The following TNRC6A variants were observed in gnomAD, a reference collection of about 807,000 sequenced individuals.
The protein encoded by TNRC6A is trinucleotide repeat containing adaptor 6A.
TNRC6A carries 44 observed loss-of-function variants against 221.2 expected under a neutral mutation model. The observed-to-expected ratio is 0.20, with a 90% CI of 0.16 to 0.26. TNRC6A has a LOEUF of 0.26. TNRC6A is among the 10% of genes least tolerant of loss of function. The pLI is 1.00. For synonymous variants in TNRC6A, 847 were observed against 838.5 expected (o/e 1.01, Z -0.18); for missense variants, 2,199 against 2,404.4 (o/e 0.91, Z 1.79).
chr16:24,642,061 G>T (rs542206251), intron 2 of TNRC6A, among the ~76,000 whole-genome samples: 1 of 152,336 alleles, frequency 6.6e-6, no homozygotes, highest in East Asian at 1.9e-4. Flanking sequence ...GGAGAGCTGA[G>T]ATAGCAGACT....
chr16:24,758,484 C>A, intron 4 of TNRC6A, 124 bp downstream of exon 4: 2 of 977,756 alleles, frequency 2.0e-6, no homozygotes, highest in South Asian at 1.4e-5. Flanking sequence ...GATTAGCCTT[C>A]TTCAGTAACA....
chr16:24,750,958 TGCATA>T, intron 3 of TNRC6A, 145 bp downstream of exon 3: 3 of 778,492 alleles, frequency 3.9e-6, no homozygotes, highest in Non-Finnish European at 5.6e-6. Flanking sequence ...TCTTTGAATA[TGCATA>T]TAAAGTAACT....
chr16:24,723,590 T>TG (rs1567389072), intron 2 of TNRC6A, among the ~76,000 whole-genome samples: 2 of 52,308 alleles, frequency 3.8e-5, no homozygotes, highest in Non-Finnish European at 7.3e-5. Context: ...CAAGACTCTG[T>TG]CAAAAAAAAA....
intron 2 of TNRC6A, among the ~76,000 whole-genome samples, chr16:24,733,715 A>C (rs2056697226): frequency 6.6e-6 from 1 of 152,190 alleles, no homozygotes; most frequent in Admixed American, 6.5e-5. Flanking sequence ...AGGTTGAGGA[A>C]CTTGTGCATA....
At chr16:24,807,961 C>T (rs2058469035) in intron 17 of TNRC6A, among the ~76,000 whole-genome samples, 1 of 152,198 alleles carries the variant, frequency 6.6e-6, no homozygotes, top group Admixed American at 6.5e-5. Context: ...ACTGGTTTGG[C>T]TCAGCCTGGT....
At chr16:24,663,125 G>C (rs1381968453) in intron 2 of TNRC6A, 1 of 153,798 alleles carries the variant, frequency 6.5e-6, no homozygotes, top group African/African-American at 2.4e-5. Context: ...AAACAGAAGA[G>C]GGAGTGGGAA....
chr16:24,725,486 A>G (rs748589084), upstream of TNRC6A, among the ~76,000 whole-genome samples: 1 of 151,998 alleles, frequency 6.6e-6, no homozygotes, highest in Non-Finnish European at 1.5e-5. Flanking sequence ...CTGATAACCC[A>G]CAAATGTAAC....
intron 2 of TNRC6A, among the ~76,000 whole-genome samples, chr16:24,704,147 T>G (rs1302597206): frequency 6.6e-6 from 1 of 150,956 alleles, no homozygotes; most frequent in Non-Finnish European, 1.5e-5. Context: ...CAGGCTAGAG[T>G]GCAGTGGCAC....
chr16:24,668,046 GGCTGGGTATGGTGGCTCAC>G (rs2055210356), intron 2 of TNRC6A, among the ~76,000 whole-genome samples: 1 of 149,414 alleles, frequency 6.7e-6, no homozygotes, highest in Non-Finnish European at 1.5e-5. Flanking sequence ...CATATATATA[GGCTGGGTATGGTGGCTCAC>G]GCCTGTAATC....
chr16:24,706,218 T>C (rs937188510), intron 2 of TNRC6A, among the ~76,000 whole-genome samples: 1 of 152,216 alleles, frequency 6.6e-6, no homozygotes, highest in Non-Finnish European at 1.5e-5. Flanking sequence ...TCTCCCTAAA[T>C]TAAACTTAAC....
Position 24,790,192 on chromosome 16 carries a change from C to G in TNRC6A, c.1550C>G (p.Ser517Cys). Reference sequence around the variant, plus strand: ...AATGGAGAGTCAAAAAGTGGAGGCTCTTATGGTACTACATGGGGTGCCTAT... The same window carrying G: ...AATGGAGAGTCAAAAAGTGGAGGCTGTTATGGTACTACATGGGGTGCCTAT... ...LSNGESKSGG[S>C]YGTTWGAYGS... Residue 517 changes from serine (S) to cysteine (C), a missense_variant, in exon 6 of 25, where the codon TCT (serine) becomes TGT (cysteine). By Grantham distance (112) the Ser-to-Cys change is moderately radical. Around this residue, in one of 8 missense-constraint regions of TNRC6A, gnomAD observed 1,405 missense variants for 1,400.2 expected, o/e 1.00. Transcript: ENST00000395799. 1 of 1,614,204 alleles carries G rather than the reference C, an allele frequency of 6.2e-7. No homozygotes were observed. The highest frequency in any genetic ancestry group is 8.5e-7 in the Non-Finnish European group (1 of 1,180,024).
intron 2 of TNRC6A, among the ~76,000 whole-genome samples, chr16:24,733,969 TGA>T (rs1182004092): frequency 6.6e-6 from 1 of 152,120 alleles, no homozygotes; most frequent in East Asian, 1.9e-4. Flanking sequence ...CCCAGGAGTT[TGA>T]GACCAGCCTG....
Position 24,824,075 on chromosome 16 carries a change from T to A in TNRC6A, c.*268T>A. On this transcript the variant is annotated 3_prime_UTR_variant, in exon 25 of 25. Coordinates refer to ENST00000395799, the MANE Select transcript of TNRC6A (RefSeq NM_014494.4). ...GAATGAGCTCGCTTGTGTCTATTCA[T>A]CATGTTTAGCCTTTGGATTCTTTTT... The A allele has an allele frequency of 4.0e-6, 1 of 250,830 alleles. No individual in the cohort carries two copies. The highest frequency in any genetic ancestry group is 7.6e-6 in the Non-Finnish European group (1 of 131,586). The allele number at this position is 250,830 out of a possible 1,614,324, so 15.5% of individuals were successfully genotyped here.
In TNRC6A at chr16:24,797,547, C is replaced by G; in HGVS notation, c.3619C>G (p.Gln1207Glu). 1.2e-6 allele frequency: 2 copies of G among 1,611,952 alleles called. No homozygotes were observed. The highest frequency in any genetic ancestry group is 1.7e-6 in the Non-Finnish European group (2 of 1,179,292). ...AGCGTGGATAAATCCATTTGTTAAA[C>G]AGTTTTCAAACATCAGTTTTTCGGT... is the stretch of plus-strand genomic sequence containing the variant. ...EEAWINPFVK[Q>E]FSNISFSRDS... The change falls in exon 10 of 25, where the codon CAG (glutamine) becomes GAG (glutamate). Residue 1207 changes from glutamine (Q) to glutamate (E), a missense_variant. Coordinates refer to ENST00000395799, the MANE Select transcript of TNRC6A (RefSeq NM_014494.4).
chr16:24,614,511 A>G (rs990629299), intron 1 of TNRC6A, among the ~76,000 whole-genome samples: 3 of 152,242 alleles, frequency 2.0e-5, no homozygotes, highest in African/African-American at 7.2e-5. Context: ...ACTATCATCT[A>G]TCAGACTTTG....
rs1332436138 is a variant in TNRC6A, at chr16:24,777,350, A to T, written c.581A>T (p.Asn194Ile). 2 of 1,608,188 alleles carry T rather than the reference A, an allele frequency of 1.2e-6. No individual in the cohort carries two copies. The highest frequency in any genetic ancestry group is 1.7e-6 in the Non-Finnish European group (2 of 1,178,480). The change falls in exon 5 of 25, where the codon AAC (asparagine) becomes ATC (isoleucine). Residue 194 changes from asparagine to isoleucine, a missense_variant. Asn to Ile is a moderately radical substitution (Grantham distance 149). Transcript: ENST00000395799. ...AACGGAGAGGTGCAGAACAGCAAAA[A>T]CCAGTCAGGTGAGAGAAGGCATTTC... ...QNNGEVQNSK[N>I]QSDINHSTSG...
At chr16:24,731,184 G>C (rs2056631470) in intron 2 of TNRC6A, among the ~76,000 whole-genome samples, 1 of 151,838 alleles carries the variant, frequency 6.6e-6, no homozygotes, top group African/African-American at 2.4e-5. Flanking sequence ...AACCAAATCC[G>C]TGAATAGCTT....
chr16:24,750,868 AAATT>A, intron 3 of TNRC6A, 55 bp downstream of exon 3: 4 of 1,348,042 alleles, frequency 3.0e-6, no homozygotes, highest in Non-Finnish European at 3.9e-6. Context: ...AATTAAAAAA[AAATT>A]ACTCTTACAG....
At chr16:24,755,986 G>T (rs913269556) in intron 3 of TNRC6A, among the ~76,000 whole-genome samples, 1 of 152,082 alleles carries the variant, frequency 6.6e-6, no homozygotes, top group Non-Finnish European at 1.5e-5. Context: ...TGAAAGGTAA[G>T]CAGGACAGTT....
Sources: allele counts gnomAD v4.1 joint callset (sites outside exome capture counted in the v4.1 genomes callset), GRCh38; gene constraint gnomAD v4.1.1; regional missense constraint gnomAD v4.1.1; transcripts MANE v1.5; gene names NCBI Gene and HGNC (gene_info 2026-07-23, HGNC 2026-07-21).